ERC1: variants seen among roughly 807,000 people sequenced by gnomAD.
ERC1 encodes ELKS/RAB6-interacting/CAST family member 1.
In ERC1, 56 loss-of-function variants were observed where a neutral mutation model predicts 132.0. The observed-to-expected ratio is 0.42, with a 90% CI of 0.34 to 0.53. The LOEUF is 0.53. Ranked by LOEUF, ERC1 falls within the 20% of genes least tolerant of loss-of-function variation. ERC1 has a pLI of 0.03. For missense variants in ERC1, 1,202 were observed against 1,349.9 expected (o/e 0.89, Z 1.72); for synonymous variants, 478 against 476.1 (o/e 1.00, Z -0.05).
intron 16 of ERC1, among the ~76,000 whole-genome samples, chr12:1,375,779 C>T (rs1398863456): frequency 6.9e-6 from 1 of 144,996 alleles, no homozygotes; most frequent in Admixed American, 7.0e-5. Flanking sequence ...GCTCTGTTCC[C>T]CAGGCTGGAG....
intron 12 of ERC1, among the ~76,000 whole-genome samples, chr12:1,208,852 A>G (rs1199962054): frequency 2.0e-5 from 3 of 151,964 alleles, no homozygotes; most frequent in Non-Finnish European, 4.4e-5. Context: ...GCGCAATCTC[A>G]GCTCACTGCT....
chr12:1,185,448 A>T (rs16928261), intron 11 of ERC1, among the ~76,000 whole-genome samples: 1 of 55,208 alleles, frequency 1.8e-5, no homozygotes, highest in South Asian at 3.5e-4. Flanking sequence ...CCATTTTTTT[A>T]AACCGTTAAT....
intron 17 of ERC1, among the ~76,000 whole-genome samples, chr12:1,437,928 T>C (rs1326287345): frequency 1.3e-5 from 2 of 152,254 alleles, no homozygotes; most frequent in Admixed American, 1.3e-4. Flanking sequence ...ATAGGCACAT[T>C]TACACTTTGA....
At chr12:1,361,098 C>CAAAA (rs760525917) in intron 15 of ERC1, among the ~76,000 whole-genome samples, 2 of 48,132 alleles carry the variant, frequency 4.2e-5, no homozygotes, top group East Asian at 6.9e-4. Flanking sequence ...GGCTCTGTCT[C>CAAAA]AAAAAAAAAA....
At chr12:1,269,002 A>G (rs1310208129) in intron 14 of ERC1, among the ~76,000 whole-genome samples, 1 of 152,248 alleles carries the variant, frequency 6.6e-6, no homozygotes, top group South Asian at 2.1e-4. Flanking sequence ...AGCATGTTCA[A>G]GCTTATGTTC....
At chr12:1,185,915 T>A (rs939064998) in intron 11 of ERC1, among the ~76,000 whole-genome samples, 2 of 152,208 alleles carry the variant, frequency 1.3e-5, no homozygotes, top group African/African-American at 2.4e-5. Context: ...ATGTTGTGGC[T>A]TTTAGCCACA....
At chr12:1,342,193 G>A (rs1471080931) in intron 15 of ERC1, among the ~76,000 whole-genome samples, 3 of 151,968 alleles carry the variant, frequency 2.0e-5, no homozygotes, top group South Asian at 2.1e-4. Context: ...GGCCGGGTGC[G>A]GTGGCTCACG....
chr12:1,313,747 G>A (rs1329649539), intron 15 of ERC1, among the ~76,000 whole-genome samples: 1 of 151,878 alleles, frequency 6.6e-6, no homozygotes, highest in Non-Finnish European at 1.5e-5. Context: ...ACACTTTGGA[G>A]GCCAAGCTGG....
intron 12 of ERC1, among the ~76,000 whole-genome samples, chr12:1,196,832 G>GTCTCTCTCTCTCTC (rs1566212818): frequency 2.8e-5 from 2 of 72,518 alleles, no homozygotes; most frequent in African/African-American, 9.8e-5. Context: ...CTCTCTCTCT[G>GTCTCTCTCTCTCTC]TCTGTCTCTC....
At chr12:1,353,167 A>G (rs1381822716) in intron 15 of ERC1, among the ~76,000 whole-genome samples, 4 of 151,548 alleles carry the variant, frequency 2.6e-5, no homozygotes, top group Admixed American at 2.6e-4. Flanking sequence ...AGTAGCTGGG[A>G]CTACAGGCGC....
chr12:1,124,407 G>A (rs1217220479), intron 7 of ERC1, among the ~76,000 whole-genome samples: 1 of 152,026 alleles, frequency 6.6e-6, no homozygotes, highest in African/African-American at 2.4e-5. Context: ...AATGACCTGT[G>A]GGTTAAAGGA....
At chr12:1,183,677 C>A (rs146202832) in intron 11 of ERC1, among the ~76,000 whole-genome samples, 1 of 152,028 alleles carries the variant, frequency 6.6e-6, no homozygotes, top group African/African-American at 2.4e-5. Context: ...AAATATGAGA[C>A]CAGAGTGTAA....
At chr12:1,070,018 ACAT>A (rs1234241923) in intron 2 of ERC1, among the ~76,000 whole-genome samples, 2 of 152,212 alleles carry the variant, frequency 1.3e-5, no homozygotes, top group Admixed American at 6.5e-5. Context: ...TGTGCAAATG[ACAT>A]CATTTATGTG....
At position 1,083,227 on chromosome 12, in the gene ERC1, C is replaced by G; in HGVS notation, c.733C>G (p.Leu245Val). ...GCGGATCCAGAGGGACCTGAATCAG[C>G]TGTTTCAGCAGGATAGTAGCAGCAG... ...ELRIQRDLNQLFQQDSSSRTG... is the reference protein window; with the variant it reads ...ELRIQRDLNQVFQQDSSSRTG... Residue 245 changes from leucine (L) to valine (V), a missense_variant, in exon 3 of 19, where the codon CTG becomes GTG. By Grantham distance (32) the Leu-to-Val change is conservative. Coordinates refer to ENST00000360905, the MANE Select transcript of ERC1 (RefSeq NM_178040.4). 6.2e-7 allele frequency: 1 copy of G among 1,614,114 alleles called. No homozygotes were observed. Among genetic ancestry groups the G allele is most frequent in the Non-Finnish European group, 8.5e-7 (1 of 1,179,982 alleles).
chr12:1,297,198 T>TA lies in ERC1; in HGVS notation c.2780+7203dup, dbSNP rs35473192. On this transcript the variant is annotated intron_variant, in intron 15 of 18. Transcript: ENST00000360905. ...GACAATGGAACTTCTTTCAGGGTAC[T>TA]AAAAAAAAAAAAAAAAATTAGCCTA... is the stretch of plus-strand genomic sequence containing the variant. Among the ~76,000 whole-genome samples, 302 of 130,374 alleles carry TA rather than the reference T, an allele frequency of 2.3e-3. 3 individuals are homozygous for TA. Among genetic ancestry groups the TA allele is most frequent in the East Asian group, 5.5e-3 (23 of 4,188 alleles). 85.5% of individuals were successfully genotyped at this position (130,374 alleles called of 152,430 possible).
At chr12:1,012,508 C>T (rs1190572232) in intron 1 of ERC1, among the ~76,000 whole-genome samples, 1 of 127,804 alleles carries the variant, frequency 7.8e-6, no homozygotes, top group Non-Finnish European at 1.6e-5. Flanking sequence ...GAGTCTTGCT[C>T]TGTCAACAGG....
intron 3 of ERC1, among the ~76,000 whole-genome samples, chr12:1,091,833 AT>A (rs1943261025): frequency 6.6e-6 from 1 of 152,146 alleles, no homozygotes; most frequent in Non-Finnish European, 1.5e-5. Flanking sequence ...TGTAATCTAG[AT>A]TAGGGGAATG....
At chr12:1,365,134 T>TAAATTTAA (rs1328500064) in intron 15 of ERC1, among the ~76,000 whole-genome samples, 5 of 152,174 alleles carry the variant, frequency 3.3e-5, no homozygotes, top group African/African-American at 1.2e-4. Flanking sequence ...ACCTTCTACT[T>TAAATTTAA]GTGCACCCCC....
rs755292181 is a variant in ERC1, at chr12:1,180,537, T to A, written c.1738-3T>A. 2 of 1,613,500 alleles carry A rather than the reference T, an allele frequency of 1.2e-6. No homozygotes were observed. Among genetic ancestry groups the A allele is most frequent in the Admixed American group, 1.7e-5 (1 of 59,966 alleles). On this transcript the variant is annotated splice_region_variant and splice_polypyrimidine_tract_variant and intron_variant, in intron 8 of 18. Coordinates refer to ENST00000360905, the MANE Select transcript of ERC1 (RefSeq NM_178040.4). The stretch of plus-strand genomic sequence containing the variant: ...TTTCCCTTAAATATTTATGTACATT[T>A]AGATTGAAAATCTTCAAGAGCAGCT...
Sources: gnomAD v4.1 joint callset for allele counts (sites outside exome capture counted in the v4.1 genomes callset) on GRCh38, gnomAD v4.1.1 for gene constraint, MANE v1.5 for transcripts, NCBI Gene and HGNC (gene_info 2026-07-23, HGNC 2026-07-21) for gene names.